TM2D2: variants seen among roughly 807,000 people sequenced by gnomAD.
TM2D2 encodes the protein TM2 domain containing 2.
In TM2D2, 19 loss-of-function variants were observed where a neutral mutation model predicts 23.0. The ratio of observed to expected loss-of-function variants is 0.82; its 90% CI spans 0.58 to 1.21. The LOEUF (loss-of-function observed/expected upper bound fraction) is 1.21, where lower values mean the gene tolerates loss of function less well. Ranked by LOEUF, TM2D2 falls within the 50% of genes most tolerant of loss-of-function variation. The pLI is 0.00. For missense variants in TM2D2, 246 were observed against 265.4 expected (o/e 0.93, Z 0.51); for synonymous variants, 120 against 108.8 (o/e 1.10, Z -0.64).
At chr8:38,995,886 G>T in intron 1 of TM2D2, 1 of 945,956 alleles carries the variant, frequency 1.1e-6, no homozygotes, top group Non-Finnish European at 1.4e-6. Context: ...CTCAGTACTG[G>T]CACCGAATCG....
rs1835548843 is a variant in TM2D2 at position 38,989,727 on chromosome 8, C to T, written c.*1605G>A. ...GACTTGGTTAGGTGAAAAGTAGCAT[C>T]TTATTTTGGGTAATATTATAATTTA... On this transcript the variant is annotated 3_prime_UTR_variant, in exon 4 of 4. Coordinates refer to ENST00000456397, the MANE Select transcript of TM2D2 (RefSeq NM_078473.3). The T allele has an allele frequency of 6.6e-6, 1 of 152,144 alleles. No individual in the cohort carries two copies. The highest frequency in any genetic ancestry group is 2.1e-4 in the South Asian group (1 of 4,828). 9.4% of individuals were successfully genotyped at this position (152,144 alleles called of 1,614,324 possible). A position where few individuals can be genotyped will look rare whatever the true frequency, so the allele number is the denominator to read the frequency against.
In TM2D2 at chr8:38,996,269, A is replaced by G. The variant is rs991114375; in HGVS notation, c.171T>C (p.Gly57=). The change falls in exon 1 of 4, where the codon GGT becomes GGC. Residue 57 remains glycine (G), a synonymous_variant. Coordinates refer to ENST00000456397, the MANE Select transcript of TM2D2 (RefSeq NM_078473.3). ...AGAAQPEGPG[G]AASWEYGDPH... ...GGTCGCCATATTCCCAGCTCGCAGC[A>G]CCCCCGGGGCCCTCCGGCTGGGCGG... The G allele has an allele frequency of 5.6e-6, 9 of 1,613,634 alleles. No homozygotes were observed. The highest frequency in any genetic ancestry group is 6.8e-6 in the Non-Finnish European group (8 of 1,179,986).
chr8:38,995,618 G>T, intron 1 of TM2D2: 1 of 1,450,426 alleles, frequency 6.9e-7, no homozygotes, highest in South Asian at 1.5e-5. Flanking sequence ...GAGAAGGGAG[G>T]TGTTTCTGGT....
At position 38,989,496 on chromosome 8, in the gene TM2D2, G is replaced by A. The variant is rs7842543; in HGVS notation, c.*1836C>T. The A allele has an allele frequency of 0.41, 61,826 of 151,962 alleles. 13,220 individuals are homozygous for A. The highest frequency in any genetic ancestry group is 0.75 in the East Asian group (3,856 of 5,170). 9.4% of individuals were successfully genotyped at this position (151,962 alleles called of 1,614,324 possible). Reference sequence around the variant, plus strand: ...TTTGCATTTTTACTAGAGACTGGGCGGGGGTGGGGGAGTGTGTCTCACCAT... The same window carrying A: ...TTTGCATTTTTACTAGAGACTGGGCAGGGGTGGGGGAGTGTGTCTCACCAT... On this transcript the variant is annotated 3_prime_UTR_variant, in exon 4 of 4. Transcript: ENST00000456397.
At chr8:38,991,747 G>C (rs1328541211) in intron 3 of TM2D2, among the ~76,000 whole-genome samples, 4 of 152,148 alleles carry the variant, frequency 2.6e-5, no homozygotes, top group Non-Finnish European at 4.4e-5. Flanking sequence ...ATAGGTCCCA[G>C]AGACAGGAGG....
rs1835570705 is a variant in TM2D2 at position 38,990,490 on chromosome 8, AG to A, written c.*841del. On this transcript the variant is annotated 3_prime_UTR_variant, in exon 4 of 4. Transcript: ENST00000456397. The stretch of plus-strand genomic sequence containing the variant: ...TCTCTTTCTGACTGCTGCAGCCCAC[AG>A]GGAGAGCTAATCATGAAGAATAGTT... 1 of 152,250 alleles carries A rather than the reference AG, an allele frequency of 6.6e-6. No homozygotes were observed. The highest frequency in any genetic ancestry group is 1.5e-5 in the Non-Finnish European group (1 of 68,042). The allele number at this position is 152,250 out of a possible 1,614,324, so 9.4% of individuals were successfully genotyped here. A position where few individuals can be genotyped will look rare whatever the true frequency, so the allele number is the denominator to read the frequency against.
At chr8:38,996,889 C>T (rs996234386), upstream of TM2D2, 6 of 1,472,916 alleles carry the variant, frequency 4.1e-6, no homozygotes, top group African/African-American at 4.2e-5. Context: ...CGGGAGCGAG[C>T]TCGGACCGAG....
intron 1 of TM2D2, 38 bp downstream of exon 1, chr8:38,996,175 C>T: frequency 1.9e-6 from 3 of 1,594,526 alleles, no homozygotes; most frequent in Admixed American, 1.7e-5. Context: ...TCCTGGCACA[C>T]CCTCCACGTC....
rs1261701246 is a variant in TM2D2 at position 38,995,638 on chromosome 8, A to G, written c.228-233T>C. Reference sequence around the variant, plus strand: ...GGGAGGTGTTTCTGGTCCTGTTTCTATAAGGATTCTACTTCTGCCATGGTT... The same window carrying G: ...GGGAGGTGTTTCTGGTCCTGTTTCTGTAAGGATTCTACTTCTGCCATGGTT... On this transcript the variant is annotated intron_variant, in intron 1 of 3. Coordinates refer to ENST00000456397, the MANE Select transcript of TM2D2 (RefSeq NM_078473.3). 5.0e-6 allele frequency: 7 copies of G among 1,411,254 alleles called. No homozygotes were observed. The East Asian group carries it at 1.1e-4, about 23-fold the overall frequency. The allele number at this position is 1,411,254 out of a possible 1,614,324, so 87.4% of individuals were successfully genotyped here.
Position 38,989,243 on chromosome 8 carries a change from C to T in TM2D2, c.*2089G>A, listed in dbSNP as rs1398317037. On this transcript the variant is annotated 3_prime_UTR_variant, in exon 4 of 4. Transcript: ENST00000456397. ...AAGGGCATCTTCAGTAGTTTCTAGT[C>T]TTTTAGCCCTTCAACCAAGCTCTTA... 2.6e-5 allele frequency: 4 copies of T among 152,234 alleles called. No homozygotes were observed. The allele number at this position is 152,234 out of a possible 1,614,324, so 9.4% of individuals were successfully genotyped here. A position where few individuals can be genotyped will look rare whatever the true frequency, so the allele number is the denominator to read the frequency against.
chr8:38,993,745 GA>G, intron 2 of TM2D2, 85 bp from the exon 3 acceptor site: 1 of 997,670 alleles, frequency 1.0e-6, no homozygotes. Context: ...ATAACAGAAT[GA>G]AAGCGGCCTC....
intron 2 of TM2D2, chr8:38,993,967 G>A (rs1383329316): frequency 5.3e-6 from 1 of 189,018 alleles, no homozygotes; most frequent in African/African-American, 2.3e-5. Context: ...TGAACACAAT[G>A]CTTTACTTAT....
chr8:38,995,809 A>G lies in TM2D2; in HGVS notation c.227+404T>C, dbSNP rs2129429593. 6.5e-6 allele frequency: 8 copies of G among 1,228,130 alleles called. No individual in the cohort carries two copies. In the South Asian group the frequency reaches 1.6e-4, roughly 25 times the overall value. 76.1% of individuals were successfully genotyped at this position (1,228,130 alleles called of 1,614,324 possible). On this transcript the variant is annotated intron_variant, in intron 1 of 3. Coordinates refer to ENST00000456397, the MANE Select transcript of TM2D2 (RefSeq NM_078473.3). ...ATGGCGTGATTCTGCAACGGTAAGAATATTGATTGCTTTTTTAAAAGATGC... is the reference window on the plus strand; with the variant it reads ...ATGGCGTGATTCTGCAACGGTAAGAGTATTGATTGCTTTTTTAAAAGATGC...
Sources: allele counts gnomAD v4.1 joint callset (sites outside exome capture counted in the v4.1 genomes callset), GRCh38; gene constraint gnomAD v4.1.1; transcripts MANE v1.5; gene names NCBI Gene and HGNC (gene_info 2026-07-23, HGNC 2026-07-21).